Variants in NALF1 observed in about 807,000 individuals in gnomAD.
NALF1 encodes the protein family with sequence similarity 155 member A.
Under a neutral mutation model 48.4 loss-of-function variants are expected in NALF1, and 3 were observed. The observed-to-expected ratio is 0.06, with a 90% CI of 0.03 to 0.16. The LOEUF (loss-of-function observed/expected upper bound fraction) is 0.16, where lower values mean the gene tolerates loss of function less well. NALF1 is among the 10% of genes least tolerant of loss of function. The probability of loss-of-function intolerance (pLI) is 1.00; values close to 1 mark genes in which losing one functional copy is unlikely to be tolerated. For missense variants in NALF1, 526 were observed against 571.5 expected, an observed-to-expected ratio of 0.92 and a Z score of 0.81; for synonymous variants, 262 against 245.7, an observed-to-expected ratio of 1.07 and a Z score of -0.62.
intron 1 of NALF1, among the ~76,000 whole-genome samples, chr13:107,563,712 C>T (rs1340839047): frequency 6.6e-6 from 1 of 152,134 alleles, no homozygotes. Context: ...ACAAGGAAAT[C>T]AAAAGAAAAC....
chr13:107,720,952 C>T (rs1480430179), intron 1 of NALF1, among the ~76,000 whole-genome samples: 2 of 152,102 alleles, frequency 1.3e-5, no homozygotes, highest in African/African-American at 2.4e-5. Context: ...ACTGAGCTAA[C>T]AAAAACATTA....
At chr13:107,548,943 GA>G (rs1478005944) in intron 1 of NALF1, among the ~76,000 whole-genome samples, 4 of 152,082 alleles carry the variant, frequency 2.6e-5, no homozygotes, top group African/African-American at 7.2e-5. Context: ...ATGTAATTGT[GA>G]AAAGTGCATC....
At chr13:107,346,697 G>A (rs998472714) in intron 1 of NALF1, among the ~76,000 whole-genome samples, 9 of 152,142 alleles carry the variant, frequency 5.9e-5, no homozygotes, top group African/African-American at 2.2e-4. Flanking sequence ...TTTGCTCAAT[G>A]ATATGCATAT....
intron 1 of NALF1, among the ~76,000 whole-genome samples, chr13:107,853,634 A>T (rs989917831): frequency 4.6e-5 from 7 of 152,328 alleles, no homozygotes; most frequent in African/African-American, 1.7e-4. Context: ...GCAATACCAC[A>T]AATTAAAATT....
chr13:107,768,574 T>C (rs911812197), intron 1 of NALF1, among the ~76,000 whole-genome samples: 28 of 152,152 alleles, frequency 1.8e-4, no homozygotes, highest in African/African-American at 6.5e-4. Flanking sequence ...ATTGGAATCA[T>C]TCTCGGAATA....
chr13:107,726,809 C>T (rs910865519), intron 1 of NALF1, among the ~76,000 whole-genome samples: 4 of 151,984 alleles, frequency 2.6e-5, no homozygotes, highest in African/African-American at 4.8e-5. Flanking sequence ...TGAGGTTTCA[C>T]CATGTTGGCC....
At chr13:107,543,667 G>C (rs1160016909) in intron 1 of NALF1, among the ~76,000 whole-genome samples, 1 of 151,896 alleles carries the variant, frequency 6.6e-6, no homozygotes, top group Non-Finnish European at 1.5e-5. Context: ...GCATATAGAT[G>C]TGTGGGTATA....
At chr13:107,617,743 C>CAG (rs1879418271) in intron 1 of NALF1, among the ~76,000 whole-genome samples, 1 of 152,126 alleles carries the variant, frequency 6.6e-6, no homozygotes, top group South Asian at 2.1e-4. Context: ...TCACTTGTTT[C>CAG]AGGAGTGCTG....
chr13:107,613,145 T>G (rs1053989799), intron 1 of NALF1, among the ~76,000 whole-genome samples: 6 of 152,176 alleles, frequency 3.9e-5, no homozygotes, highest in African/African-American at 7.2e-5. Flanking sequence ...AACTTGCAGT[T>G]ATGTTTTGTT....
intron 1 of NALF1, among the ~76,000 whole-genome samples, chr13:107,847,672 C>T (rs1181338087): frequency 6.6e-6 from 1 of 152,126 alleles, no homozygotes; most frequent in South Asian, 2.1e-4. Context: ...CTCAACAGCT[C>T]GCAGGGAGCA....
At chr13:107,210,475 C>T (rs1879737850) in intron 2 of NALF1, 109 bp downstream of exon 2, 1 of 767,730 alleles carries the variant, frequency 1.3e-6, no homozygotes, top group Non-Finnish European at 2.2e-6. Context: ...AACTACCAGC[C>T]GCATCTTCAA....
intron 1 of NALF1, among the ~76,000 whole-genome samples, chr13:107,538,211 C>G (rs1478203804): frequency 6.6e-6 from 1 of 152,132 alleles, no homozygotes; most frequent in Non-Finnish European, 1.5e-5. Context: ...ATATTCCAAT[C>G]AAGCCATGTA....
intron 1 of NALF1, among the ~76,000 whole-genome samples, chr13:107,620,094 C>T (rs1879481730): frequency 1.3e-5 from 2 of 152,072 alleles, no homozygotes; most frequent in Non-Finnish European, 2.9e-5. Context: ...TGAATAATCC[C>T]TAATTGTGAT....
intron 1 of NALF1, among the ~76,000 whole-genome samples, chr13:107,775,228 C>T (rs1258179204): frequency 1.5e-5 from 2 of 131,666 alleles, no homozygotes; most frequent in South Asian, 5.7e-4. Context: ...ACAACAGTCC[C>T]CAGAGTGTGA....
chr13:107,757,075 C>T (rs1340083523), intron 1 of NALF1, among the ~76,000 whole-genome samples: 3 of 152,142 alleles, frequency 2.0e-5, no homozygotes, highest in African/African-American at 4.8e-5. Context: ...TTAACACATA[C>T]AAACCTTGCT....
chr13:107,707,982 C>A (rs539754352), intron 1 of NALF1, among the ~76,000 whole-genome samples: 24 of 151,700 alleles, frequency 1.6e-4, no homozygotes, highest in African/African-American at 5.6e-4. Flanking sequence ...TTATAATCCA[C>A]CCTACCCCCC....
chr13:107,424,088 T>C (rs1478083814), intron 1 of NALF1, among the ~76,000 whole-genome samples: 1 of 152,108 alleles, frequency 6.6e-6, no homozygotes, highest in Non-Finnish European at 1.5e-5. Context: ...TCTCCTGTAC[T>C]TATTAACTGT....
chr13:107,638,876 G>T (rs1326630139), intron 1 of NALF1, among the ~76,000 whole-genome samples: 1 of 152,136 alleles, frequency 6.6e-6, no homozygotes, highest in Non-Finnish European at 1.5e-5. Flanking sequence ...ACAGGAAGGT[G>T]ATGAGTGGTG....
intron 1 of NALF1, among the ~76,000 whole-genome samples, chr13:107,635,711 T>C (rs1162657463): frequency 6.6e-6 from 1 of 152,142 alleles, no homozygotes; most frequent in East Asian, 1.9e-4. Context: ...AAATCAAACA[T>C]AGCCATGCAT....
Sources: allele counts gnomAD v4.1 joint callset (sites outside exome capture counted in the v4.1 genomes callset), GRCh38; gene constraint gnomAD v4.1.1; transcripts MANE v1.5; gene names NCBI Gene and HGNC (gene_info 2026-07-23, HGNC 2026-07-21).